Variants in CSMD1 observed in about 807,000 individuals in gnomAD.
The protein encoded by CSMD1 is CUB and Sushi multiple domains 1, also known as CUB and sushi domain-containing protein 1.
CSMD1 carries 213 observed loss-of-function variants against 417.5 expected under a neutral mutation model. That is an observed-to-expected ratio of 0.51 (90% CI 0.46 to 0.57). The LOEUF is 0.57. Among genes scored for constraint, CSMD1 ranks in the 20% least tolerant of loss-of-function variants. The pLI, the probability that CSMD1 is intolerant of heterozygous loss-of-function variation, is 0.00. For synonymous variants in CSMD1, 2,862 were observed against 1,736.8 expected (o/e 1.65, Z -16.11); for missense variants, 6,923 against 4,529.7 (o/e 1.53, Z -15.17).
At chr8:4,952,336 C>T (rs1262412044) in intron 1 of CSMD1, among the ~76,000 whole-genome samples, 28 of 72,626 alleles carry the variant, frequency 3.9e-4, no homozygotes. Flanking sequence ...TGAAAACAAA[C>T]CCAATAAGTG....
At chr8:3,489,850 C>G (rs767068831) in intron 11 of CSMD1, among the ~76,000 whole-genome samples, 2 of 152,060 alleles carry the variant, frequency 1.3e-5, no homozygotes, top group Admixed American at 6.5e-5. Flanking sequence ...AATGGAAACC[C>G]ACAAAATATT....
intron 3 of CSMD1, among the ~76,000 whole-genome samples, chr8:4,363,763 C>A (rs1010487806): frequency 3.9e-5 from 6 of 152,152 alleles, no homozygotes; most frequent in African/African-American, 1.4e-4. Flanking sequence ...TTTTTCATGG[C>A]TGAATAGTAC....
chr8:4,249,563 C>T (rs963388448), intron 3 of CSMD1, among the ~76,000 whole-genome samples: 1 of 152,146 alleles, frequency 6.6e-6, no homozygotes, highest in Non-Finnish European at 1.5e-5. Flanking sequence ...AGGAGCGGAT[C>T]TAACCATCTT....
chr8:3,762,557 A>T (rs1194262796), intron 5 of CSMD1, among the ~76,000 whole-genome samples: 1 of 152,188 alleles, frequency 6.6e-6, no homozygotes, highest in African/African-American at 2.4e-5. Context: ...CAGGCGTGTA[A>T]CTCCATTTGG....
intron 18 of CSMD1, among the ~76,000 whole-genome samples, chr8:3,375,873 C>T (rs573586629): frequency 7.7e-4 from 117 of 152,242 alleles, no homozygotes; most frequent in African/African-American, 2.8e-3. Flanking sequence ...CTTTTTTTCT[C>T]TTTGCACCTC....
At chr8:4,165,511 C>G (rs1797406885) in intron 3 of CSMD1, among the ~76,000 whole-genome samples, 1 of 152,192 alleles carries the variant, frequency 6.6e-6, no homozygotes, top group Admixed American at 6.5e-5. Context: ...TCAAGTCATC[C>G]TCCCACCTCA....
intron 2 of CSMD1, among the ~76,000 whole-genome samples, chr8:4,505,107 T>C (rs925584097): frequency 1.3e-5 from 2 of 152,140 alleles, no homozygotes; most frequent in Non-Finnish European, 2.9e-5. Context: ...AACACCAATA[T>C]AAGCACAAAT....
At chr8:3,121,693 G>A (rs1292047359) in intron 41 of CSMD1, among the ~76,000 whole-genome samples, 1 of 152,128 alleles carries the variant, frequency 6.6e-6, no homozygotes, top group African/African-American at 2.4e-5. Flanking sequence ...CAGTTACTAG[G>A]GAGGCTGGGG....
intron 3 of CSMD1, among the ~76,000 whole-genome samples, chr8:4,350,029 C>A (rs758212450): frequency 6.6e-6 from 1 of 152,082 alleles, no homozygotes; most frequent in Non-Finnish European, 1.5e-5. Flanking sequence ...TTTTCCTTGA[C>A]TAAAGAGGCT....
intron 1 of CSMD1, among the ~76,000 whole-genome samples, chr8:4,934,914 A>T (rs1190117236): frequency 1.3e-5 from 2 of 152,178 alleles, no homozygotes; most frequent in African/African-American, 4.8e-5. Flanking sequence ...ATAATGTATC[A>T]ATCAGCAATC....
chr8:3,921,165 TTC>T (rs1809226071), intron 5 of CSMD1, among the ~76,000 whole-genome samples: 1 of 152,184 alleles, frequency 6.6e-6, no homozygotes, highest in Non-Finnish European at 1.5e-5. Context: ...CTTTGAGATT[TTC>T]TGTTTATTTA....
intron 3 of CSMD1, among the ~76,000 whole-genome samples, chr8:4,274,693 A>T (rs1796375920): frequency 6.6e-6 from 1 of 152,174 alleles, no homozygotes; most frequent in South Asian, 2.1e-4. Context: ...TTAGAAGTGC[A>T]TCAGGTGCAA....
At chr8:3,029,628 G>C (rs1810205754) in intron 50 of CSMD1, 115 bp from the exon 51 acceptor site, 1 of 805,546 alleles carries the variant, frequency 1.2e-6, no homozygotes, top group South Asian at 1.8e-5. Flanking sequence ...TGGCAAAGTT[G>C]ATGCCATTAC....
intron 7 of CSMD1, among the ~76,000 whole-genome samples, chr8:3,655,115 T>A (rs953506724): frequency 1.6e-4 from 24 of 152,062 alleles, no homozygotes; most frequent in Admixed American, 1.6e-3. Context: ...AAAATACACA[T>A]TAATTTTCCA....
intron 1 of CSMD1, among the ~76,000 whole-genome samples, chr8:4,902,894 A>T (rs970189597): frequency 6.6e-6 from 1 of 151,418 alleles, no homozygotes; most frequent in Non-Finnish European, 1.5e-5. Context: ...CTGCATGTAT[A>T]TTTTTACACA....
intron 2 of CSMD1, among the ~76,000 whole-genome samples, chr8:4,516,126 T>C (rs964422097): frequency 6.6e-6 from 1 of 151,866 alleles, no homozygotes; most frequent in African/African-American, 2.4e-5. Context: ...AGAGAGTAAT[T>C]AAGATTAAAA....
At chr8:3,000,577 C>T (rs1402106829) in intron 52 of CSMD1, among the ~76,000 whole-genome samples, 1 of 152,132 alleles carries the variant, frequency 6.6e-6, no homozygotes, top group African/African-American at 2.4e-5. Flanking sequence ...ATCAAATTAC[C>T]TGTGAAATTC....
chr8:4,629,264 G>A (rs1192716664), intron 2 of CSMD1, among the ~76,000 whole-genome samples: 2 of 152,092 alleles, frequency 1.3e-5, no homozygotes, highest in African/African-American at 4.8e-5. Flanking sequence ...AAATGTTGCA[G>A]CAATTTAATA....
At chr8:4,987,216 T>C (rs114619283) in intron 1 of CSMD1, among the ~76,000 whole-genome samples, 238 of 152,218 alleles carry the variant, frequency 1.6e-3, no homozygotes, top group African/African-American at 5.5e-3. Flanking sequence ...TCAGAATCAT[T>C]TGGAAAAGAA....
Sources: gnomAD v4.1 joint callset for allele counts (sites outside exome capture counted in the v4.1 genomes callset) on GRCh38, gnomAD v4.1.1 for gene constraint, MANE v1.5 for transcripts, NCBI Gene and HGNC (gene_info 2026-07-23, HGNC 2026-07-21) for gene names.